Variants in GRID2 observed in about 807,000 individuals in gnomAD.
GRID2 encodes glutamate ionotropic receptor delta type subunit 2.
GRID2 carries 33 observed loss-of-function variants against 114.8 expected under a neutral mutation model. The observed-to-expected ratio is 0.29, with a 90% CI of 0.22 to 0.38. The LOEUF (loss-of-function observed/expected upper bound fraction) is 0.38, where lower values mean the gene tolerates loss of function less well. Among genes scored for constraint, GRID2 ranks in the 10% least tolerant of loss-of-function variants. GRID2 has a pLI of 1.00. For missense variants in GRID2, 1,184 were observed against 1,257.7 expected (o/e 0.94, Z 0.89); for synonymous variants, 505 against 449.9 (o/e 1.12, Z -1.55).
intron 13 of GRID2, among the ~76,000 whole-genome samples, chr4:93,597,493 T>C (rs1222727333): frequency 6.6e-6 from 1 of 152,152 alleles, no homozygotes; most frequent in Non-Finnish European, 1.5e-5. Context: ...ATGTATGAGA[T>C]TGTTTTGCCT....
At chr4:93,296,927 C>T (rs917978661) in intron 8 of GRID2, among the ~76,000 whole-genome samples, 2 of 152,052 alleles carry the variant, frequency 1.3e-5, no homozygotes, top group Non-Finnish European at 2.9e-5. Context: ...AATGTGATTC[C>T]CCCTATATTG....
Position 93,409,628 on chromosome 4 carries a change from C to T in GRID2, c.1348-13143C>T, listed in dbSNP as rs542865854. ...ACACACTGAGAGAGAGATTTTGACA[C>T]GACCATGTCAAAGACTAAGAGTACC... On this transcript the variant is annotated intron_variant, in intron 9 of 15. Coordinates refer to ENST00000282020, the MANE Select transcript of GRID2 (RefSeq NM_001510.4). Among the ~76,000 whole-genome samples the T allele has an allele frequency of 3.5e-4, 53 of 152,246 alleles. No homozygotes were observed. The East Asian group carries it at 9.5e-3, about 27-fold the overall frequency.
intron 11 of GRID2, among the ~76,000 whole-genome samples, chr4:93,460,483 T>C (rs370394635): frequency 3.9e-5 from 6 of 152,166 alleles, no homozygotes; most frequent in African/African-American, 1.4e-4. Flanking sequence ...TTGCTTTTAT[T>C]TCTCTACTTT....
intron 1 of GRID2, among the ~76,000 whole-genome samples, chr4:92,457,380 T>A (rs1367900518): frequency 6.6e-6 from 1 of 152,160 alleles, no homozygotes; most frequent in Non-Finnish European, 1.5e-5. Flanking sequence ...GCAAAGTTTA[T>A]CTCTGAGTCA....
At chr4:92,763,051 C>A (rs1465166129) in intron 2 of GRID2, among the ~76,000 whole-genome samples, 1 of 152,104 alleles carries the variant, frequency 6.6e-6, no homozygotes, top group Non-Finnish European at 1.5e-5. Flanking sequence ...AGAGTATCAG[C>A]CGACTTTGGG....
intron 4 of GRID2, among the ~76,000 whole-genome samples, chr4:93,187,150 A>G (rs535193292): frequency 1.4e-3 from 211 of 152,298 alleles, no homozygotes; most frequent in African/African-American, 4.8e-3. Flanking sequence ...TTTGATGAGT[A>G]GGTTTTCATG....
intron 2 of GRID2, among the ~76,000 whole-genome samples, chr4:92,900,312 A>G (rs1384190556): frequency 1.3e-5 from 2 of 152,134 alleles, no homozygotes; most frequent in African/African-American, 4.8e-5. Flanking sequence ...GTTTTGTTAC[A>G]TGGGCATATT....
At chr4:92,331,151 G>A (rs1726864905) in intron 1 of GRID2, among the ~76,000 whole-genome samples, 1 of 152,166 alleles carries the variant, frequency 6.6e-6, no homozygotes, top group South Asian at 2.1e-4. Flanking sequence ...GCCAAATAAT[G>A]TGTCAGACTG....
At chr4:92,825,293 C>T (rs1013165927) in intron 2 of GRID2, among the ~76,000 whole-genome samples, 1 of 152,238 alleles carries the variant, frequency 6.6e-6, no homozygotes, top group East Asian at 1.9e-4. Flanking sequence ...TCCATTGGGG[C>T]TCGCAGTCTG....
chr4:92,795,793 C>T (rs77561603), intron 2 of GRID2, among the ~76,000 whole-genome samples: 2,426 of 151,998 alleles, frequency 0.016, 60 homozygotes, highest in African/African-American at 0.055. Context: ...TTGTCTGGAA[C>T]GGGTTCAAAA....
chr4:92,916,303 A>G (rs1042087843), intron 2 of GRID2, among the ~76,000 whole-genome samples: 1 of 152,046 alleles, frequency 6.6e-6, no homozygotes, highest in African/African-American at 2.4e-5. Context: ...CAGTTATCCC[A>G]ATTTATTATT....
chr4:92,338,855 T>G (rs1238768862), intron 1 of GRID2, among the ~76,000 whole-genome samples: 1 of 152,128 alleles, frequency 6.6e-6, no homozygotes, highest in African/African-American at 2.4e-5. Context: ...TATTTAGTTA[T>G]TCTCAATTTA....
intron 2 of GRID2, among the ~76,000 whole-genome samples, chr4:92,836,122 T>C (rs1192629186): frequency 6.6e-6 from 1 of 152,174 alleles, no homozygotes; most frequent in Non-Finnish European, 1.5e-5. Flanking sequence ...TATTTTTGTA[T>C]CATCTATAGC....
At chr4:92,344,047 A>C (rs1255155409) in intron 1 of GRID2, among the ~76,000 whole-genome samples, 1 of 152,216 alleles carries the variant, frequency 6.6e-6, no homozygotes, top group Non-Finnish European at 1.5e-5. Flanking sequence ...TTGCTGTCTC[A>C]GAGGTGGCAG....
intron 14 of GRID2, among the ~76,000 whole-genome samples, chr4:93,659,022 G>A (rs1723256471): frequency 6.6e-6 from 1 of 152,052 alleles, no homozygotes; most frequent in African/African-American, 2.4e-5. Context: ...GGACTTAAGG[G>A]CAGAGCCAGC....
At chr4:92,676,353 GTATTT>G (rs1433934936) in intron 2 of GRID2, among the ~76,000 whole-genome samples, 3 of 151,496 alleles carry the variant, frequency 2.0e-5, no homozygotes, top group African/African-American at 7.3e-5. Flanking sequence ...CTAATTTGTT[GTATTT>G]TTTAGTAAAG....
chr4:93,592,580 G>A (rs902351798), intron 13 of GRID2, among the ~76,000 whole-genome samples: 2 of 152,048 alleles, frequency 1.3e-5, no homozygotes, highest in Non-Finnish European at 1.5e-5. Flanking sequence ...GGTCTGCTTG[G>A]TGCAGAGCTG....
intron 14 of GRID2, among the ~76,000 whole-genome samples, chr4:93,676,961 G>C (rs1007449916): frequency 6.6e-6 from 1 of 152,120 alleles, no homozygotes; most frequent in Non-Finnish European, 1.5e-5. Flanking sequence ...TGCACGAGCC[G>C]AAGCAGGACG....
chr4:93,331,502 A>G (rs550248648), intron 8 of GRID2, among the ~76,000 whole-genome samples: 3 of 152,156 alleles, frequency 2.0e-5, no homozygotes, highest in East Asian at 1.9e-4. Flanking sequence ...GATAGGTAGT[A>G]TATATTGTAC....
Sources: allele counts gnomAD v4.1 joint callset (sites outside exome capture counted in the v4.1 genomes callset), GRCh38; gene constraint gnomAD v4.1.1; transcripts MANE v1.5; gene names NCBI Gene and HGNC (gene_info 2026-07-23, HGNC 2026-07-21).